CLCN5: variants seen among roughly 807,000 people sequenced by gnomAD.
CLCN5 encodes H(+)/Cl(-) exchange transporter 5.
In CLCN5, 17 loss-of-function variants were observed where a neutral mutation model predicts 54.0. That is an observed-to-expected ratio of 0.31 (90% CI 0.22 to 0.47). The LOEUF is 0.47. Ranked by LOEUF, CLCN5 falls within the 20% of genes least tolerant of loss-of-function variation. The pLI, the probability that CLCN5 is intolerant of heterozygous loss-of-function variation, is 1.00. For synonymous variants in CLCN5, 222 were observed against 233.0 expected (o/e 0.95, Z 0.43); for missense variants, 448 against 646.7 (o/e 0.69, Z 3.33).
intron 1 of CLCN5, 52 bp downstream of exon 1, chrX:49,922,844 GCCCCCGGCCCA>G (rs1925128676): frequency 2.7e-5 from 3 of 112,865 alleles, no homozygotes; most frequent in African/African-American, 9.7e-5. Context: ...CGGGCCGCTG[GCCCCCGGCCCA>G]CCCCCGGAGC....
intron 4 of CLCN5, among the ~76,000 whole-genome samples, chrX:50,063,967 T>C (rs1932914750): frequency 9.2e-6 from 1 of 108,824 alleles, no homozygotes; most frequent in African/African-American, 3.4e-5. Flanking sequence ...CAACCCTTCA[T>C]GCTAAAAACT....
intron 9 of CLCN5, among the ~76,000 whole-genome samples, chrX:50,085,051 AT>A (rs781957445): frequency 1.8e-5 from 2 of 110,841 alleles, no homozygotes; most frequent in Non-Finnish European, 3.8e-5. Flanking sequence ...CCTCCCCATC[AT>A]TTTCCTGAGC....
intron 3 of CLCN5, among the ~76,000 whole-genome samples, chrX:49,994,346 G>A (rs782670448): frequency 6.3e-5 from 7 of 110,932 alleles, no homozygotes; most frequent in Non-Finnish European, 1.3e-4. Context: ...GGGCAAGGTG[G>A]AGTGGTGGTG....
chrX:49,951,807 C>T lies in CLCN5; in HGVS notation c.16+26493C>T, dbSNP rs142592767. 7.4e-3 allele frequency among the ~76,000 whole-genome samples: 826 copies of T among 111,906 alleles called. 4 individuals are homozygous for T. Among genetic ancestry groups the T allele is most frequent in the African/African-American group, 0.025 (777 of 30,825 alleles). ...CTTTTCTCTTCACCAAACGGAAACT[C>T]TGTGTGGCACAAAATGGAGAGAGGT... On this transcript the variant is annotated intron_variant, in intron 3 of 14. Coordinates refer to ENST00000376091, the MANE Select transcript of CLCN5 (RefSeq NM_001127898.4).
chrX:50,036,350 T>C (rs1281329358), intron 3 of CLCN5, among the ~76,000 whole-genome samples: 1 of 112,268 alleles, frequency 8.9e-6, no homozygotes, highest in Non-Finnish European at 1.9e-5. Context: ...ACCCTTTCTT[T>C]CTATGCATTT....
chrX:49,936,870 A>G (rs1443559129), intron 3 of CLCN5, among the ~76,000 whole-genome samples: 3 of 112,110 alleles, frequency 2.7e-5, no homozygotes, highest in Non-Finnish European at 5.6e-5. Flanking sequence ...AATGTACAGC[A>G]TGAGAGACCA....
At chrX:49,934,370 T>G (rs1276054804) in intron 3 of CLCN5, among the ~76,000 whole-genome samples, 1 of 111,413 alleles carries the variant, frequency 9.0e-6, no homozygotes, top group Non-Finnish European at 1.9e-5. Context: ...CTGTTCTGTG[T>G]GTCAAGGGTT....
At chrX:50,014,846 T>G (rs974046165) in intron 3 of CLCN5, among the ~76,000 whole-genome samples, 3 of 110,746 alleles carry the variant, frequency 2.7e-5, no homozygotes, top group Non-Finnish European at 5.7e-5. Context: ...AATGTCCTTA[T>G]TAAATAATGT....
rs1240485951 is a variant in CLCN5 at position 49,984,298 on chromosome X, T to G, written c.17-58018T>G. Among the ~76,000 whole-genome samples, 6 of 112,068 alleles carry G rather than the reference T, an allele frequency of 5.4e-5. No homozygotes were observed. In the Admixed American group the frequency reaches 5.7e-4, roughly 11 times the overall value. On this transcript the variant is annotated intron_variant, in intron 3 of 14. Coordinates refer to ENST00000376091, the MANE Select transcript of CLCN5 (RefSeq NM_001127898.4). ...ATGACAAACAATTCTTTTAAAGTGT[T>G]GATGTATAGCTTGCTAATATTGTAT...
intron 3 of CLCN5, among the ~76,000 whole-genome samples, chrX:49,983,311 A>G (rs997175779): frequency 9.8e-5 from 11 of 111,957 alleles, no homozygotes; most frequent in Admixed American, 1.9e-4. Flanking sequence ...TTATCCACAT[A>G]GCCCCACAGT....
intron 4 of CLCN5, 199 bp from the exon 5 acceptor site, chrX:50,069,680 T>G: frequency 2.0e-6 from 2 of 1,015,038 alleles, no homozygotes; most frequent in Non-Finnish European, 2.5e-6. Context: ...CACACTGCCT[T>G]TAGCCACTCA....
intron 3 of CLCN5, among the ~76,000 whole-genome samples, chrX:49,977,780 A>G (rs1290691244): frequency 2.7e-5 from 3 of 111,831 alleles, no homozygotes; most frequent in Non-Finnish European, 5.6e-5. Context: ...CCAGAAGCCC[A>G]GGCTGTACAC....
At chrX:50,059,782 C>T (rs1932821495) in intron 4 of CLCN5, among the ~76,000 whole-genome samples, 3 of 109,043 alleles carry the variant, frequency 2.8e-5, no homozygotes, top group Middle Eastern at 4.7e-3. Context: ...AAAAAAGTCC[C>T]TTCCTTGGAA....
At chrX:50,065,000 A>C (rs1932946309) in intron 4 of CLCN5, among the ~76,000 whole-genome samples, 1 of 111,317 alleles carries the variant, frequency 9.0e-6, no homozygotes, top group Admixed American at 9.5e-5. Flanking sequence ...TGCCTTATAC[A>C]AAAATTAATT....
In CLCN5 at chrX:50,095,524, A is replaced by C. The variant is rs1835300605; in HGVS notation, c.*3305A>C. 8.9e-6 allele frequency: 1 copy of C among 112,676 alleles called. No homozygotes were observed. The highest frequency in any genetic ancestry group is 3.7e-4 in the South Asian group (1 of 2,717). The allele number at this position is 112,676 out of a possible 1,213,427, so 9.3% of individuals were successfully genotyped here. A position where few individuals can be genotyped will look rare whatever the true frequency, so the allele number is the denominator to read the frequency against. On this transcript the variant is annotated 3_prime_UTR_variant, in exon 15 of 15. Coordinates refer to ENST00000376091, the MANE Select transcript of CLCN5 (RefSeq NM_001127898.4). ...ATAAGCTGACATTGATGATACTTTG[A>C]ATTTACCAGCTGGTGAAGCAAACGA...
At chrX:50,027,332 C>G (rs1261947348) in intron 3 of CLCN5, among the ~76,000 whole-genome samples, 1 of 111,645 alleles carries the variant, frequency 9.0e-6, no homozygotes, top group Non-Finnish European at 1.9e-5. Context: ...GTATTTCTTT[C>G]TTCTCCTTCT....
At chrX:49,942,429 G>C (rs1926403190) in intron 3 of CLCN5, among the ~76,000 whole-genome samples, 2 of 107,950 alleles carry the variant, frequency 1.9e-5, no homozygotes, top group Admixed American at 2.0e-4. Context: ...TATACTTTAA[G>C]TTTTAGGGTA....
At chrX:49,963,749 T>G (rs1256035106) in intron 3 of CLCN5, among the ~76,000 whole-genome samples, 1 of 112,115 alleles carries the variant, frequency 8.9e-6, no homozygotes, top group Non-Finnish European at 1.9e-5. Flanking sequence ...AAGTATATGT[T>G]CTTCCTGTTT....
intron 3 of CLCN5, among the ~76,000 whole-genome samples, chrX:49,961,750 A>G (rs141452962): frequency 1.8e-5 from 2 of 111,446 alleles, no homozygotes; most frequent in East Asian, 5.6e-4. Flanking sequence ...ATCCCTTCCA[A>G]TATGGTTTTT....
Sources: allele counts gnomAD v4.1 joint callset (sites outside exome capture counted in the v4.1 genomes callset), GRCh38; gene constraint gnomAD v4.1.1; transcripts MANE v1.5; gene names NCBI Gene and HGNC (gene_info 2026-07-23, HGNC 2026-07-21).